Variants in ACBD5 observed in about 807,000 individuals in gnomAD.
ACBD5 encodes the protein acyl-CoA binding domain containing 5, also known as acyl-CoA-binding domain-containing protein 5.
ACBD5 carries 40 observed loss-of-function variants against 71.8 expected under a neutral mutation model. That is an observed-to-expected ratio of 0.56 (90% CI 0.43 to 0.72). The LOEUF (loss-of-function observed/expected upper bound fraction) is 0.72, where lower values mean the gene tolerates loss of function less well. Ranked by LOEUF, ACBD5 falls within the 30% of genes least tolerant of loss-of-function variation. The pLI is 0.00. For missense variants in ACBD5, 559 were observed against 644.5 expected (o/e 0.87, Z 1.44); for synonymous variants, 229 against 218.6 (o/e 1.05, Z -0.42).
rs2065364805 is a variant in ACBD5, at chr10:27,240,576, C to A, written c.16-92G>T. 3 of 1,551,278 alleles carry A rather than the reference C, an allele frequency of 1.9e-6. No individual in the cohort carries two copies. Among genetic ancestry groups the A allele is most frequent in the Non-Finnish European group, 2.6e-6 (3 of 1,146,992 alleles). ...TCAGTTCCCCTTTGCCCTGCCCTAT[C>A]CAGGCCACACAGATCGAAGCGGCCC... On this transcript the variant is annotated intron_variant, in intron 1 of 12. Transcript: ENST00000396271. The surrounding 1 kb of genome is among the most constrained non-coding windows in gnomAD (Gnocchi z 4.1).
At chr10:27,216,222 C>A (rs2061613307) in intron 7 of ACBD5, among the ~76,000 whole-genome samples, 1 of 151,526 alleles carries the variant, frequency 6.6e-6, no homozygotes, top group South Asian at 2.1e-4. Context: ...CTCACTGCAA[C>A]CTCTGCCTCC....
At chr10:27,202,478 T>A (rs1000696814) in intron 12 of ACBD5, among the ~76,000 whole-genome samples, 1 of 152,178 alleles carries the variant, frequency 6.6e-6, no homozygotes, top group Non-Finnish European at 1.5e-5. Flanking sequence ...AAAGGGATAT[T>A]TAGGAGAAAT....
chr10:27,212,655 T>G (rs577253354), intron 8 of ACBD5, among the ~76,000 whole-genome samples: 14 of 151,890 alleles, frequency 9.2e-5, no homozygotes, highest in Non-Finnish European at 1.5e-4. Context: ...CTTGGCTCAT[T>G]GCAACCACTG....
chr10:27,209,320 A>C (rs538081296), intron 9 of ACBD5, among the ~76,000 whole-genome samples: 1 of 151,960 alleles, frequency 6.6e-6, no homozygotes, highest in South Asian at 2.1e-4. Context: ...TACATTATAA[A>C]TCTCCAAAGG....
chr10:27,186,608 T>C, intron 13 of ACBD5: 4 of 1,263,878 alleles, frequency 3.2e-6, no homozygotes, highest in Middle Eastern at 1.8e-4. Context: ...TCCTTAATAC[T>C]AGATTGATCT....
rs7918793 is a variant in ACBD5 at position 27,208,262 on chromosome 10, G to A, written c.1388C>T (p.Thr463Met). The A allele has an allele frequency of 0.046, 73,810 of 1,613,980 alleles. 2,652 individuals are homozygous for A. Among genetic ancestry groups the A allele is most frequent in the Admixed American group, 0.18 (10,587 of 60,000 alleles). Residue 463 changes from threonine to methionine, a missense_variant, in exon 10 of 13, where the codon ACG (threonine) becomes ATG (methionine). Coordinates refer to ENST00000396271, the MANE Select transcript of ACBD5 (RefSeq NM_145698.5). ...NVLQRLQKLE[T>M]LTALQAKSST... is the part of the protein sequence containing the mutation. ...GAAGTTTACCTGCAAAGCAGTCAGC[G>A]TTTCCAGTTTCTGCAGTCTCTGAAG...
At position 27,197,015 on chromosome 10, in the gene ACBD5, CTTTTA is replaced by C. The variant is rs976304116; in HGVS notation, c.*410_*414del. On this transcript the variant is annotated 3_prime_UTR_variant, in exon 13 of 13. Coordinates refer to ENST00000396271, the MANE Select transcript of ACBD5 (RefSeq NM_145698.5). ...AATTCACTCCTGGTTTGCATTCTTT[CTTTTA>C]TTTAATTTAGAAAATTAAAAATAAT... 4 of 445,376 alleles carry C rather than the reference CTTTTA, an allele frequency of 9.0e-6. No individual in the cohort carries two copies. Among genetic ancestry groups the C allele is most frequent in the Admixed American group, 7.1e-5 (3 of 42,104 alleles). 27.6% of individuals were successfully genotyped at this position (445,376 alleles called of 1,614,324 possible).
At chr10:27,204,823 G>A (rs552404360) in intron 11 of ACBD5, among the ~76,000 whole-genome samples, 8 of 152,256 alleles carry the variant, frequency 5.3e-5, no homozygotes, top group African/African-American at 1.9e-4. Context: ...TATTCTAAAT[G>A]TATTGTAACA....
intron 7 of ACBD5, 37 bp from the exon 8 acceptor site, chr10:27,215,678 C>T (rs1564626913): frequency 2.8e-6 from 4 of 1,450,972 alleles, no homozygotes; most frequent in Non-Finnish European, 3.8e-6. Context: ...GGTAATTATA[C>T]TATAGTAGAA....
At chr10:27,216,288 C>T (rs532442025) in intron 7 of ACBD5, among the ~76,000 whole-genome samples, 3 of 152,268 alleles carry the variant, frequency 2.0e-5, no homozygotes, top group African/African-American at 7.2e-5. Flanking sequence ...TACAGGTGCA[C>T]ACCACCAAGC....
At chr10:27,228,726 T>C (rs1249203613) in intron 4 of ACBD5, among the ~76,000 whole-genome samples, 2 of 145,902 alleles carry the variant, frequency 1.4e-5, no homozygotes, top group African/African-American at 4.9e-5. Flanking sequence ...AGTTTTTCAG[T>C]GACATTTTAT....
downstream of ACBD5, chr10:27,195,070 C>T (rs2059269800): frequency 7.7e-6 from 2 of 260,058 alleles, no homozygotes; most frequent in Non-Finnish European, 1.5e-5. Flanking sequence ...TAAATTTCAT[C>T]CCAGTTTCTG....
intron 12 of ACBD5, among the ~76,000 whole-genome samples, chr10:27,199,818 C>T (rs1427133963): frequency 1.3e-5 from 2 of 152,002 alleles, no homozygotes; most frequent in Admixed American, 6.6e-5. Flanking sequence ...CTATCCTGGC[C>T]GTCTCTACTA....
At chr10:27,215,262 A>T (rs2061500632) in intron 8 of ACBD5, among the ~76,000 whole-genome samples, 1 of 152,174 alleles carries the variant, frequency 6.6e-6, no homozygotes, top group South Asian at 2.1e-4. Context: ...TTTTCTCTGC[A>T]TCCCCATCCC....
At position 27,231,766 on chromosome 10, in the gene ACBD5, A is replaced by G. The variant is rs1399540778; in HGVS notation, c.357T>C (p.Tyr119=). The change falls in exon 4 of 13, where the codon TAT becomes TAC. Residue 119 remains tyrosine (Y), a synonymous_variant. Coordinates refer to ENST00000396271, the MANE Select transcript of ACBD5 (RefSeq NM_145698.5). ...DMTKEEAMIA[Y]VEEMKKIIET... is the part of the protein sequence containing the mutation. ...TCCCTACCTTTTTCATTTCTTCAAC[A>G]TATGCAATCATGGCTTCCTCTTTGG... 6.2e-7 allele frequency: 1 copy of G among 1,613,616 alleles called. No homozygotes were observed. Among genetic ancestry groups the G allele is most frequent in the African/African-American group, 1.3e-5 (1 of 74,910 alleles).
Position 27,218,149 on chromosome 10 carries a change from C to T in ACBD5, c.660G>A (p.Lys220=). 6.2e-7 allele frequency: 1 copy of T among 1,614,068 alleles called. No individual in the cohort carries two copies. Among genetic ancestry groups the T allele is most frequent in the Non-Finnish European group, 8.5e-7 (1 of 1,179,974 alleles). Residue 220 remains lysine (K), a synonymous_variant, in exon 7 of 13, where the codon AAG becomes AAA. Coordinates refer to ENST00000396271, the MANE Select transcript of ACBD5 (RefSeq NM_145698.5). The part of the protein sequence containing the change: ...KKMMKKSADH[K]NLEVIVTNGY... ...CATTAGTGACAATGACTTCCAAATT[C>T]TTATGGTCTGCTGACTTCTTCATCA...
Position 27,196,615 on chromosome 10 carries a change from C to T in ACBD5, c.*815G>A, listed in dbSNP as rs574671451. On this transcript the variant is annotated 3_prime_UTR_variant, in exon 13 of 13. Transcript: ENST00000396271. ...AGTTTTCATTTTATATTTCAAAGCACCCTATGAAGCAGACACTAGATATCC... is the reference window on the plus strand; with the variant it reads ...AGTTTTCATTTTATATTTCAAAGCATCCTATGAAGCAGACACTAGATATCC... 8.8e-6 allele frequency: 4 copies of T among 454,242 alleles called. No individual in the cohort carries two copies. The highest frequency in any genetic ancestry group is 6.2e-5 in the South Asian group (4 of 64,432). 28.1% of individuals were successfully genotyped at this position (454,242 alleles called of 1,614,324 possible).
In ACBD5 at chr10:27,221,725, C is replaced by G. The variant is rs1589223053; in HGVS notation, c.490+1613G>C. ...GGTCAGGAGTTCGAGATCAGCCTGGCCCACATGGCAAAACCCTGGCTCTAC... is the reference window on the plus strand; with the variant it reads ...GGTCAGGAGTTCGAGATCAGCCTGGGCCACATGGCAAAACCCTGGCTCTAC... On this transcript the variant is annotated intron_variant, in intron 5 of 12. Coordinates refer to ENST00000396271, the MANE Select transcript of ACBD5 (RefSeq NM_145698.5). 2.6e-5 allele frequency among the ~76,000 whole-genome samples: 4 copies of G among 151,772 alleles called. No individual in the cohort carries two copies. The East Asian group carries it at 7.8e-4, about 29-fold the overall frequency.
chr10:27,196,315 A>C lies in ACBD5; in HGVS notation c.*1115T>G, dbSNP rs1483304559. Reference sequence around the variant, plus strand: ...TACAGGAAAAGTCTCCAAGGATCTAAATTGTAGTCTTCTTTTTGGTCTAGA... The same window carrying C: ...TACAGGAAAAGTCTCCAAGGATCTACATTGTAGTCTTCTTTTTGGTCTAGA... On this transcript the variant is annotated 3_prime_UTR_variant, in exon 13 of 13. Transcript: ENST00000396271. 2.2e-6 allele frequency: 1 copy of C among 454,106 alleles called. No individual in the cohort carries two copies. The highest frequency in any genetic ancestry group is 1.6e-5 in the South Asian group (1 of 64,482). The allele number at this position is 454,106 out of a possible 1,614,324, so 28.1% of individuals were successfully genotyped here. A position where few individuals can be genotyped will look rare whatever the true frequency, so the allele number is the denominator to read the frequency against.
Sources: allele counts gnomAD v4.1 joint callset (sites outside exome capture counted in the v4.1 genomes callset), GRCh38; gene constraint gnomAD v4.1.1; non-coding constraint Gnocchi (gnomAD v3.1); transcripts MANE v1.5; gene names NCBI Gene and HGNC (gene_info 2026-07-23, HGNC 2026-07-21).